Variants in B3GALT1 observed in about 807,000 individuals in gnomAD.
The protein encoded by B3GALT1 is beta-1,3-galactosyltransferase 1, also known as UDP-Gal:betaGlcNAc beta 1,3-galactosyltransferase, polypeptide 1.
B3GALT1 carries 10 observed loss-of-function variants against 23.2 expected under a neutral mutation model. That is an observed-to-expected ratio of 0.43 (90% CI 0.27 to 0.73). B3GALT1 has a LOEUF of 0.73. B3GALT1 is among the 30% of genes least tolerant of loss of function. B3GALT1 has a pLI of 0.21. For synonymous variants in B3GALT1, 156 were observed against 141.5 expected, an observed-to-expected ratio of 1.10 and a Z score of -0.73; for missense variants, 299 against 405.4, an observed-to-expected ratio of 0.74 and a Z score of 2.25.
At chr2:167,766,704 G>A (rs1374082393) in intron 3 of B3GALT1, among the ~76,000 whole-genome samples, 2 of 152,198 alleles carry the variant, frequency 1.3e-5, no homozygotes, top group African/African-American at 2.4e-5. Flanking sequence ...AATTGCCCTT[G>A]TTTGATGAGA....
At chr2:167,573,375 G>C (rs374006466) in intron 2 of B3GALT1, among the ~76,000 whole-genome samples, 8 of 151,770 alleles carry the variant, frequency 5.3e-5, no homozygotes, top group African/African-American at 1.9e-4. Flanking sequence ...TTTGACACCA[G>C]AGATGACAGC....
chr2:167,667,428 C>G (rs1686222386), intron 3 of B3GALT1, among the ~76,000 whole-genome samples: 1 of 151,916 alleles, frequency 6.6e-6, no homozygotes, highest in South Asian at 2.1e-4. Flanking sequence ...AATTATGTGT[C>G]TTGGAGTTGC....
intron 3 of B3GALT1, among the ~76,000 whole-genome samples, chr2:167,783,850 A>G (rs529693330): frequency 2.0e-5 from 3 of 152,276 alleles, no homozygotes; most frequent in South Asian, 2.1e-4. Flanking sequence ...GAGAACACCC[A>G]TCTCATTAGA....
At chr2:167,543,027 G>T (rs1053632972) in intron 2 of B3GALT1, among the ~76,000 whole-genome samples, 1 of 151,670 alleles carries the variant, frequency 6.6e-6, no homozygotes, top group South Asian at 2.1e-4. Context: ...GAAATTAGAG[G>T]GACTGAAAAG....
intron 2 of B3GALT1, among the ~76,000 whole-genome samples, chr2:167,599,568 T>C (rs762170972): frequency 1.3e-5 from 2 of 152,212 alleles, no homozygotes; most frequent in African/African-American, 2.4e-5. Flanking sequence ...GCTGTGATTT[T>C]TGTGGGCGTT....
intron 3 of B3GALT1, among the ~76,000 whole-genome samples, chr2:167,679,766 C>T (rs781518946): frequency 3.3e-5 from 5 of 152,212 alleles, no homozygotes; most frequent in African/African-American, 4.8e-5. Flanking sequence ...ATAGTCTCTA[C>T]CTCAGCATCT....
At chr2:167,533,672 A>C (rs1031587914) in intron 2 of B3GALT1, among the ~76,000 whole-genome samples, 7 of 151,646 alleles carry the variant, frequency 4.6e-5, no homozygotes, top group African/African-American at 1.5e-4. Flanking sequence ...ATTTTTAACC[A>C]CTCTAATTGG....
intron 1 of B3GALT1, among the ~76,000 whole-genome samples, chr2:167,320,862 T>A (rs920529399): frequency 8.5e-5 from 13 of 152,156 alleles, no homozygotes; most frequent in Middle Eastern, 3.4e-3. Flanking sequence ...ACTTTTTAAG[T>A]TAAAAGGAAA....
chr2:167,383,232 T>G (rs1189427353), intron 1 of B3GALT1, among the ~76,000 whole-genome samples: 1 of 152,074 alleles, frequency 6.6e-6, no homozygotes, highest in African/African-American at 2.4e-5. Context: ...GGTAACCTCT[T>G]TACCAAGGTT....
chr2:167,523,889 C>T lies in B3GALT1; in HGVS notation c.-410+33612C>T, dbSNP rs577299890. Among the ~76,000 whole-genome samples, 6 of 151,350 alleles carry T rather than the reference C, an allele frequency of 4.0e-5. No homozygotes were observed. The South Asian group carries it at 1.0e-3, about 26-fold the overall frequency. On this transcript the variant is annotated intron_variant, in intron 2 of 4. Transcript: ENST00000392690. ...ATTTTTTAATGGATTCATAATAGTCCATTAGATGGGTGGAGCATTATTTCT... is the reference window on the plus strand; with the variant it reads ...ATTTTTTAATGGATTCATAATAGTCTATTAGATGGGTGGAGCATTATTTCT...
chr2:167,317,526 C>T (rs181801317), intron 1 of B3GALT1, among the ~76,000 whole-genome samples: 23 of 152,200 alleles, frequency 1.5e-4, no homozygotes, highest in African/African-American at 5.1e-4. Flanking sequence ...CATAAAGAAG[C>T]CTAGTCACTT....
At chr2:167,647,695 T>G (rs2105461125) in intron 3 of B3GALT1, among the ~76,000 whole-genome samples, 1 of 152,298 alleles carries the variant, frequency 6.6e-6, no homozygotes, top group Middle Eastern at 3.4e-3. Flanking sequence ...CCAAGTGGAC[T>G]TATTGTTCAT....
In B3GALT1 at chr2:167,293,233, T is replaced by TCGGGGCAGCGGCAG. The variant is rs1447901041; in HGVS notation, c.-608_-595dup. 1.3e-5 allele frequency: 2 copies of TCGGGGCAGCGGCAG among 151,936 alleles called. No homozygotes were observed. Among genetic ancestry groups the TCGGGGCAGCGGCAG allele is most frequent in the East Asian group, 3.9e-4 (2 of 5,124 alleles). 9.4% of individuals were successfully genotyped at this position (151,936 alleles called of 1,614,324 possible). On this transcript the variant is annotated 5_prime_UTR_variant, in exon 1 of 5. It introduces an in-frame stop codon into an upstream open reading frame of the 5' UTR. Transcript: ENST00000392690. ...AGAGAAGTGATGCTGGCGCCGGGGA[T>TCGGGGCAGCGGCAG]CGGGGCAGCGGCAGCGGAGCAGCAG...
intron 2 of B3GALT1, among the ~76,000 whole-genome samples, chr2:167,596,145 C>G (rs768650194): frequency 6.6e-6 from 1 of 152,146 alleles, no homozygotes; most frequent in African/African-American, 2.4e-5. Context: ...ATGTTTTCAT[C>G]TTATTTAGAC....
intron 1 of B3GALT1, among the ~76,000 whole-genome samples, chr2:167,361,357 C>T (rs991981833): frequency 1.3e-5 from 2 of 151,602 alleles, no homozygotes; most frequent in East Asian, 1.9e-4. Context: ...TATGACCAGT[C>T]GTATCGTAAG....
At chr2:167,867,402 G>A (rs879426416) in intron 4 of B3GALT1, among the ~76,000 whole-genome samples, 1 of 152,112 alleles carries the variant, frequency 6.6e-6, no homozygotes, top group Non-Finnish European at 1.5e-5. Context: ...TACTTATTAT[G>A]GGTTGGATGA....
At chr2:167,541,651 G>A (rs1683535810) in intron 2 of B3GALT1, among the ~76,000 whole-genome samples, 1 of 151,890 alleles carries the variant, frequency 6.6e-6, no homozygotes, top group Non-Finnish European at 1.5e-5. Flanking sequence ...AATCACTGCA[G>A]TAGTGCCAGC....
At chr2:167,618,636 G>A (rs1332868242) in intron 2 of B3GALT1, among the ~76,000 whole-genome samples, 3 of 151,818 alleles carry the variant, frequency 2.0e-5, no homozygotes, top group East Asian at 3.9e-4. Context: ...TCTAGTCTAG[G>A]TCAATTCAGC....
intron 2 of B3GALT1, among the ~76,000 whole-genome samples, chr2:167,511,724 T>C (rs988411731): frequency 2.0e-5 from 3 of 152,184 alleles, no homozygotes; most frequent in African/African-American, 7.2e-5. Context: ...AGGTTTTCCT[T>C]TTCCTACTTT....
Sources: allele counts gnomAD v4.1 joint callset (sites outside exome capture counted in the v4.1 genomes callset), GRCh38; gene constraint gnomAD v4.1.1; transcripts MANE v1.5; gene names NCBI Gene and HGNC (gene_info 2026-07-23, HGNC 2026-07-21).